CHCHD6: variants seen among roughly 807,000 people sequenced by gnomAD.
CHCHD6 encodes the protein MICOS complex subunit MIC25.
In CHCHD6, 28 loss-of-function variants were observed where a neutral mutation model predicts 32.3. The ratio of observed to expected loss-of-function variants is 0.87; its 90% confidence interval spans 0.64 to 1.19. The LOEUF is 1.19. Ranked by LOEUF, CHCHD6 falls within the 50% of genes most tolerant of loss-of-function variation. The probability of loss-of-function intolerance (pLI) is 0.00; values close to 1 mark genes in which losing one functional copy is unlikely to be tolerated. For missense variants in CHCHD6, 333 were observed against 307.0 expected, an observed-to-expected ratio of 1.08 and a Z score of -0.63; for synonymous variants, 122 against 117.5, an observed-to-expected ratio of 1.04 and a Z score of -0.25.
Position 126,957,485 on chromosome 3 carries a change from G to A in CHCHD6, c.636G>A (p.Pro212=), listed in dbSNP as rs150633175. The stretch of plus-strand genomic sequence containing the variant: ...TTCTCCACTGCTACCGAGATCGCCC[G>A]CATGAGGTGCTGCTGTGCTCGGACC... ...AQILHCYRDR[P]HEVLLCSDLV... The change falls in exon 7 of 8, where the codon CCG becomes CCA. Residue 212 remains proline, a synonymous_variant. Coordinates refer to ENST00000290913, the MANE Select transcript of CHCHD6 (RefSeq NM_032343.3). 170 of 1,604,618 alleles carry A rather than the reference G, an allele frequency of 1.1e-4. 1 individual carries two copies. The highest frequency in any genetic ancestry group is 2.8e-5 in the Non-Finnish European group (33 of 1,175,862).
chr3:126,732,078 C>CAAAAAAAAAA (rs57722271), intron 3 of CHCHD6, among the ~76,000 whole-genome samples: 1 of 75,870 alleles, frequency 1.3e-5, no homozygotes, highest in Non-Finnish European at 2.7e-5. Context: ...GACCCAAAAC[C>CAAAAAAAAAA]AAAAAAAAAA....
At chr3:126,881,566 A>T (rs2077610580) in intron 5 of CHCHD6, among the ~76,000 whole-genome samples, 1 of 152,234 alleles carries the variant, frequency 6.6e-6, no homozygotes, top group Non-Finnish European at 1.5e-5. Flanking sequence ...CCATCATGAG[A>T]AATTAATCAC....
At chr3:126,746,698 C>T (rs567823141) in intron 4 of CHCHD6, among the ~76,000 whole-genome samples, 24 of 152,310 alleles carry the variant, frequency 1.6e-4, no homozygotes, top group Admixed American at 5.9e-4. Flanking sequence ...TTCAAGCAGC[C>T]GCGAGGCGGG....
intron 6 of CHCHD6, among the ~76,000 whole-genome samples, chr3:126,921,709 G>A (rs770590746): frequency 2.6e-5 from 4 of 152,232 alleles, no homozygotes; most frequent in Non-Finnish European, 5.9e-5. Flanking sequence ...CCTGATTAAT[G>A]TGGATGTGGC....
At chr3:126,706,192 G>A (rs544986165) in intron 1 of CHCHD6, among the ~76,000 whole-genome samples, 1 of 152,222 alleles carries the variant, frequency 6.6e-6, no homozygotes, top group South Asian at 2.1e-4. Context: ...GTGCCTTTGG[G>A]GGTGCCTTCT....
chr3:126,772,989 CTTAGTT>C (rs1181410683), intron 4 of CHCHD6, among the ~76,000 whole-genome samples: 1 of 151,822 alleles, frequency 6.6e-6, no homozygotes, highest in Non-Finnish European at 1.5e-5. Flanking sequence ...ACTTATGAAG[CTTAGTT>C]TGGCTGGATA....
intron 6 of CHCHD6, among the ~76,000 whole-genome samples, chr3:126,917,401 G>T (rs763829303): frequency 6.6e-6 from 1 of 152,190 alleles, no homozygotes; most frequent in East Asian, 1.9e-4. Context: ...CTGCCTGGAC[G>T]TAAGATGGCA....
chr3:126,809,995 A>T (rs1939588565), intron 4 of CHCHD6, among the ~76,000 whole-genome samples: 1 of 152,342 alleles, frequency 6.6e-6, no homozygotes, highest in Admixed American at 6.5e-5. Context: ...AAATCCATGC[A>T]TAGTTTTAAA....
intron 5 of CHCHD6, among the ~76,000 whole-genome samples, chr3:126,878,681 GCAAAAA>G (rs2077570193): frequency 6.6e-6 from 1 of 152,196 alleles, no homozygotes. Context: ...ATTAATTCAG[GCAAAAA>G]TCATGAATTG....
intron 4 of CHCHD6, among the ~76,000 whole-genome samples, chr3:126,798,623 C>T (rs1938914311): frequency 6.6e-6 from 1 of 152,024 alleles, no homozygotes; most frequent in Non-Finnish European, 1.5e-5. Flanking sequence ...CTTGGAGCTG[C>T]TCCGGAACCC....
intron 5 of CHCHD6, among the ~76,000 whole-genome samples, chr3:126,890,361 G>A (rs1052197320): frequency 2.0e-5 from 3 of 152,226 alleles, no homozygotes; most frequent in African/African-American, 7.2e-5. Context: ...CGGTGACACA[G>A]GCACACAAGG....
intron 5 of CHCHD6, among the ~76,000 whole-genome samples, chr3:126,858,308 G>T (rs954116387): frequency 6.7e-6 from 1 of 148,344 alleles, no homozygotes; most frequent in South Asian, 2.2e-4. Context: ...GGGCGGGGGC[G>T]GGGGGGAGGG....
chr3:126,915,681 G>A (rs185029716), intron 6 of CHCHD6, among the ~76,000 whole-genome samples: 26 of 152,336 alleles, frequency 1.7e-4, no homozygotes, highest in Admixed American at 9.8e-4. Context: ...CATGATAGTT[G>A]TAAAAACAGC....
At chr3:126,804,390 G>T (rs1044095605) in intron 4 of CHCHD6, among the ~76,000 whole-genome samples, 1 of 151,986 alleles carries the variant, frequency 6.6e-6, no homozygotes, top group Non-Finnish European at 1.5e-5. Context: ...TATCACCACC[G>T]ATCCCACAGA....
intron 4 of CHCHD6, among the ~76,000 whole-genome samples, chr3:126,824,391 G>C (rs1027397300): frequency 6.7e-6 from 1 of 150,226 alleles, no homozygotes; most frequent in East Asian, 2.0e-4. Context: ...GAGAAGCCCC[G>C]TCTCTGCTAA....
At chr3:126,873,080 G>A (rs961475395) in intron 5 of CHCHD6, among the ~76,000 whole-genome samples, 3 of 152,210 alleles carry the variant, frequency 2.0e-5, no homozygotes, top group Non-Finnish European at 4.4e-5. Context: ...ACTGTCATGT[G>A]AACACTTGTA....
intron 3 of CHCHD6, among the ~76,000 whole-genome samples, chr3:126,732,225 A>G (rs529002051): frequency 2.6e-5 from 4 of 152,192 alleles, no homozygotes; most frequent in Admixed American, 1.3e-4. Context: ...AATCACCCAT[A>G]GACTCATCAT....
intron 5 of CHCHD6, among the ~76,000 whole-genome samples, chr3:126,855,683 A>G (rs1053276934): frequency 1.3e-5 from 2 of 152,032 alleles, no homozygotes; most frequent in Admixed American, 6.6e-5. Context: ...GGGCCATGCA[A>G]TCCCCAGGTA....
intron 6 of CHCHD6, chr3:126,949,406 A>G: frequency 4.4e-6 from 1 of 225,908 alleles, no homozygotes; most frequent in Non-Finnish European, 8.8e-6. Context: ...AGGCTGCACC[A>G]ACAGGTCTGC....
Sources: gnomAD v4.1 joint callset for allele counts (sites outside exome capture counted in the v4.1 genomes callset) on GRCh38, gnomAD v4.1.1 for gene constraint, MANE v1.5 for transcripts, NCBI Gene and HGNC (gene_info 2026-07-23, HGNC 2026-07-21) for gene names.